Variants in CACNB2 observed in about 807,000 individuals in gnomAD.
CACNB2 encodes the protein calcium voltage-gated channel auxiliary subunit beta 2, also known as voltage-dependent L-type calcium channel subunit beta-2.
A neutral mutation model predicts 73.3 loss-of-function variants in CACNB2; 42 were observed. That is an observed-to-expected ratio of 0.57 (90% CI 0.45 to 0.74). The LOEUF is 0.74. Among genes scored for constraint, CACNB2 ranks in the 30% least tolerant of loss-of-function variants. CACNB2 has a pLI of 0.00. For synonymous variants in CACNB2, 348 were observed against 310.3 expected, an observed-to-expected ratio of 1.12 and a Z score of -1.28; for missense variants, 940 against 853.0, an observed-to-expected ratio of 1.10 and a Z score of -1.27.
At chr10:18,269,369 C>T (rs2037949601) in intron 2 of CACNB2, among the ~76,000 whole-genome samples, 1 of 152,176 alleles carries the variant, frequency 6.6e-6, no homozygotes. Flanking sequence ...CCACATTCTC[C>T]TGTCTCCATT....
Position 18,171,521 on chromosome 10 carries a change from G to GAAAAAAAAAAAAAAAAAAAA in CACNB2, c.213+20555_213+20574dup, listed in dbSNP as rs370201485. Among the ~76,000 whole-genome samples the GAAAAAAAAAAAAAAAAAAAA allele has an allele frequency of 3.1e-4, 10 of 32,602 alleles. 2 individuals carry two copies. The highest frequency in any genetic ancestry group is 5.1e-4 in the Non-Finnish European group (9 of 17,508). 21.4% of individuals were successfully genotyped at this position (32,602 alleles called of 152,430 possible). ...TCCCTTCTTCCCGGCTTTGATAGCA[G>GAAAAAAAAAAAAAAAAAAAA]AAAAAAAAAAAAAAAAAAAAAAAAA... is the stretch of plus-strand genomic sequence containing the variant. On this transcript the variant is annotated intron_variant, in intron 2 of 13. Coordinates refer to ENST00000324631, the MANE Select transcript of CACNB2 (RefSeq NM_201596.3).
At position 18,326,839 on chromosome 10, in the gene CACNB2, G is replaced by A. The variant is rs143093675; in HGVS notation, c.214-75085G>A. Among the ~76,000 whole-genome samples, 1,241 of 152,174 alleles carry A rather than the reference G, an allele frequency of 8.2e-3. 20 individuals are homozygous for A. Among genetic ancestry groups the A allele is most frequent in the African/African-American group, 0.029 (1,192 of 41,508 alleles). On this transcript the variant is annotated intron_variant, in intron 2 of 13. Coordinates refer to ENST00000324631, the MANE Select transcript of CACNB2 (RefSeq NM_201596.3). ...CCTTCTGGGCTCAAGCAATCCTCCC[G>A]CTTCAGCCCTCCGAGTAGCTGGGAC...
rs952040189 is a variant in CACNB2 at position 18,492,204 on chromosome 10, C to T, written c.334-6151C>T. On this transcript the variant is annotated intron_variant, in intron 3 of 13. Coordinates refer to ENST00000324631, the MANE Select transcript of CACNB2 (RefSeq NM_201596.3). ...CAGCACCAAAGGGGAAAATCTACCC[C>T]TATGATCCAATCACCTCCTACCAGG... Among the ~76,000 whole-genome samples, 4 of 152,310 alleles carry T rather than the reference C, an allele frequency of 2.6e-5. 1 individual carries two copies. In the East Asian group the frequency reaches 7.7e-4, roughly 29 times the overall value.
chr10:18,297,373 G>C lies in CACNB2; in HGVS notation c.214-104551G>C, dbSNP rs554054692. The stretch of plus-strand genomic sequence containing the variant: ...AGCCTGGGCAACACAGCAAGACCCT[G>C]CCTCTACAAAAACATTTAGAAGAAT... On this transcript the variant is annotated intron_variant, in intron 2 of 13. Coordinates refer to ENST00000324631, the MANE Select transcript of CACNB2 (RefSeq NM_201596.3). Among the ~76,000 whole-genome samples, 3 of 152,254 alleles carry C rather than the reference G, an allele frequency of 2.0e-5. No individual in the cohort carries two copies. The South Asian group carries it at 6.2e-4, about 32-fold the overall frequency.
intron 2 of CACNB2, among the ~76,000 whole-genome samples, chr10:18,307,316 G>C (rs2039771107): frequency 6.6e-6 from 1 of 152,108 alleles, no homozygotes; most frequent in South Asian, 2.1e-4. Context: ...ACCAACATTA[G>C]CCAGGCGTGG....
intron 2 of CACNB2, among the ~76,000 whole-genome samples, chr10:18,321,680 CT>C (rs893505678): frequency 1.3e-5 from 2 of 151,540 alleles, no homozygotes; most frequent in Admixed American, 6.6e-5. Flanking sequence ...TACTCACAAA[CT>C]TTTTTTTTAA....
chr10:18,479,581 A>G (rs1404361479), intron 3 of CACNB2, among the ~76,000 whole-genome samples: 2 of 152,138 alleles, frequency 1.3e-5, no homozygotes, highest in African/African-American at 4.8e-5. Flanking sequence ...CATGTATCAA[A>G]GGAGGGGCCT....
chr10:18,324,136 A>C (rs1261957584), intron 2 of CACNB2, among the ~76,000 whole-genome samples: 3 of 152,212 alleles, frequency 2.0e-5, no homozygotes, highest in African/African-American at 7.2e-5. Context: ...TCATCTGTCA[A>C]CTATTAATTA....
intron 2 of CACNB2, among the ~76,000 whole-genome samples, chr10:18,202,367 A>G (rs916169741): frequency 1.3e-5 from 2 of 152,210 alleles, no homozygotes; most frequent in African/African-American, 2.4e-5. Context: ...ATGATTGAGT[A>G]CATATACTGA....
intron 1 of CACNB2, among the ~76,000 whole-genome samples, chr10:18,141,615 G>A (rs1468993226): frequency 1.3e-5 from 2 of 152,258 alleles, no homozygotes; most frequent in Admixed American, 6.5e-5. Context: ...CTTCGCTGCA[G>A]GTTGTTGTGA....
intron 2 of CACNB2, among the ~76,000 whole-genome samples, chr10:18,279,863 T>C (rs2038465845): frequency 6.6e-6 from 1 of 152,160 alleles, no homozygotes; most frequent in Non-Finnish European, 1.5e-5. Flanking sequence ...GCAGATCACT[T>C]GAGGTCTGGA....
intron 6 of CACNB2, chr10:18,513,048 A>G (rs537334880): frequency 6.1e-6 from 1 of 162,818 alleles, no homozygotes; most frequent in East Asian, 1.8e-4. Context: ...GCTGGGATTC[A>G]GAAAGCTATA....
chr10:18,464,419 A>AAAAAAAAAAAAAAAAAAAAAG (rs2047758654), intron 3 of CACNB2, among the ~76,000 whole-genome samples: 1 of 28,118 alleles, frequency 3.6e-5, no homozygotes, highest in Non-Finnish European at 7.8e-5. Context: ...CTCAAAAATT[A>AAAAAAAAAAAAAAAAAAAAAG]AAAAAAAAAA....
At chr10:18,209,439 C>A (rs1466026635) in intron 2 of CACNB2, among the ~76,000 whole-genome samples, 1 of 152,118 alleles carries the variant, frequency 6.6e-6, no homozygotes, top group African/African-American at 2.4e-5. Context: ...TAAGGATGTG[C>A]TTTTCCAGAT....
intron 2 of CACNB2, among the ~76,000 whole-genome samples, chr10:18,172,611 GC>G (rs1280695475): frequency 6.6e-5 from 10 of 152,104 alleles, no homozygotes; most frequent in Admixed American, 6.6e-4. Flanking sequence ...CTTGTCCTGT[GC>G]CCATTAGCCC....
chr10:18,340,945 A>AGT, intron 2 of CACNB2: 1 of 1,614,176 alleles, frequency 6.2e-7, no homozygotes. Flanking sequence ...CAGACGCCTT[A>AGT]TAGCTCCTCA....
chr10:18,181,065 G>GAAAGAA (rs1554766212), intron 2 of CACNB2, among the ~76,000 whole-genome samples: 1 of 117,886 alleles, frequency 8.5e-6, no homozygotes, highest in Non-Finnish European at 1.8e-5. Flanking sequence ...AGCCAAAATA[G>GAAAGAA]AAAAAAAAAA....
intron 3 of CACNB2, among the ~76,000 whole-genome samples, chr10:18,485,877 C>T (rs1455419192): frequency 1.3e-5 from 2 of 151,624 alleles, no homozygotes; most frequent in Non-Finnish European, 2.9e-5. Flanking sequence ...GCCACCGTGC[C>T]CAGCCTCCAT....
intron 2 of CACNB2, among the ~76,000 whole-genome samples, chr10:18,394,871 C>G (rs993053272): frequency 1.3e-5 from 2 of 152,180 alleles, no homozygotes; most frequent in African/African-American, 4.8e-5. Context: ...CTTTTAGCCT[C>G]TAAGTAATTG....
Sources: gnomAD v4.1 joint callset for allele counts (sites outside exome capture counted in the v4.1 genomes callset) on GRCh38, gnomAD v4.1.1 for gene constraint, MANE v1.5 for transcripts, NCBI Gene and HGNC (gene_info 2026-07-23, HGNC 2026-07-21) for gene names.